The following CNIH3 variants were observed in gnomAD, a reference collection of about 807,000 sequenced individuals.
CNIH3 encodes protein cornichon homolog 3.
A neutral mutation model predicts 24.1 loss-of-function variants in CNIH3; 14 were observed. The observed-to-expected ratio is 0.58, with a 90% confidence interval of 0.38 to 0.91. The LOEUF is 0.91. Ranked by LOEUF, CNIH3 falls within the 40% of genes least tolerant of loss-of-function variation. The pLI, the probability that CNIH3 is intolerant of heterozygous loss-of-function variation, is 0.00. For missense variants in CNIH3, 178 were observed against 196.8 expected (o/e 0.90, Z 0.57); for synonymous variants, 68 against 73.8 (o/e 0.92, Z 0.40).
intron 1 of CNIH3, among the ~76,000 whole-genome samples, chr1:224,648,535 T>A (rs551421729): frequency 6.6e-6 from 1 of 152,290 alleles, no homozygotes; most frequent in African/African-American, 2.4e-5. Context: ...TAAATGTCTG[T>A]TTCGTGCCAG....
chr1:224,643,905 A>T (rs1684478126), intron 1 of CNIH3, among the ~76,000 whole-genome samples: 1 of 151,986 alleles, frequency 6.6e-6, no homozygotes, highest in Non-Finnish European at 1.5e-5. Flanking sequence ...ACCCCTTCCT[A>T]CCTGGCTGTC....
At chr1:224,450,669 C>T (rs1572263914) in intron 1 of CNIH3, among the ~76,000 whole-genome samples, 1 of 152,292 alleles carries the variant, frequency 6.6e-6, no homozygotes, top group East Asian at 1.9e-4. Context: ...GTAAATTATT[C>T]TTTAAGATGT....
intron 3 of CNIH3, among the ~76,000 whole-genome samples, chr1:224,698,202 C>T (rs186848109): frequency 7.2e-5 from 11 of 152,284 alleles, no homozygotes; most frequent in Non-Finnish European, 1.5e-4. Flanking sequence ...AGAAAATGCA[C>T]TGAATAAGTT....
At chr1:224,472,189 C>T (rs1483973222) in intron 1 of CNIH3, among the ~76,000 whole-genome samples, 1 of 152,126 alleles carries the variant, frequency 6.6e-6, no homozygotes, top group Admixed American at 6.5e-5. Context: ...TTCCCACCAG[C>T]AGTGTATAAG....
chr1:224,450,312 C>T (rs770193398), intron 1 of CNIH3, among the ~76,000 whole-genome samples: 3 of 152,114 alleles, frequency 2.0e-5, no homozygotes, highest in Non-Finnish European at 4.4e-5. Flanking sequence ...GGAAATGTAT[C>T]AGGTGGTGTG....
intron 1 of CNIH3, among the ~76,000 whole-genome samples, chr1:224,483,201 T>A (rs1676882140): frequency 6.6e-6 from 1 of 152,164 alleles, no homozygotes; most frequent in Non-Finnish European, 1.5e-5. Flanking sequence ...TACTGTGAAA[T>A]TAGTTGGGCA....
chr1:224,629,821 C>A (rs115320454), intron 1 of CNIH3, among the ~76,000 whole-genome samples: 6 of 152,120 alleles, frequency 3.9e-5, no homozygotes, highest in Non-Finnish European at 5.9e-5. Context: ...TGTCCTCTCT[C>A]GGCTGGAGCA....
chr1:224,674,735 G>A (rs1423935022), intron 1 of CNIH3, among the ~76,000 whole-genome samples: 2 of 151,960 alleles, frequency 1.3e-5, no homozygotes, highest in African/African-American at 2.4e-5. Flanking sequence ...CACTTCTAGC[G>A]TGTTCTCTGT....
intron 3 of CNIH3, among the ~76,000 whole-genome samples, chr1:224,608,070 A>C (rs1682508967): frequency 6.6e-6 from 1 of 152,216 alleles, no homozygotes; most frequent in South Asian, 2.1e-4. Context: ...CTTCAGAAGA[A>C]ATAATTCAAC....
At chr1:224,583,546 A>G (rs995694020) in intron 5 of CNIH3, among the ~76,000 whole-genome samples, 2 of 152,192 alleles carry the variant, frequency 1.3e-5, no homozygotes, top group Non-Finnish European at 2.9e-5. Context: ...AGGGAAGATA[A>G]CAAGAGGATG....
intron 4 of CNIH3, among the ~76,000 whole-genome samples, chr1:224,577,859 A>G (rs1394611959): frequency 6.6e-6 from 1 of 152,226 alleles, no homozygotes; most frequent in South Asian, 2.1e-4. Flanking sequence ...AATGTGGTGT[A>G]TACATATACC....
intron 1 of CNIH3, among the ~76,000 whole-genome samples, chr1:224,618,580 G>C (rs1021900274): frequency 6.6e-6 from 1 of 152,198 alleles, no homozygotes; most frequent in South Asian, 2.1e-4. Context: ...GAAACTCGGG[G>C]AGGAAGGTGG....
At chr1:224,627,641 G>C (rs1049278192) in intron 1 of CNIH3, among the ~76,000 whole-genome samples, 1 of 152,202 alleles carries the variant, frequency 6.6e-6, no homozygotes, top group Admixed American at 6.5e-5. Context: ...AGTGGGTCCT[G>C]TGTACACTAG....
intron 1 of CNIH3, among the ~76,000 whole-genome samples, chr1:224,641,167 C>G (rs572922906): frequency 6.6e-6 from 1 of 152,144 alleles, no homozygotes; most frequent in African/African-American, 2.4e-5. Flanking sequence ...TAAGCCTCCT[C>G]GGCATACATC....
chr1:224,542,494 A>C (rs1679548606), downstream of CNIH3, among the ~76,000 whole-genome samples: 1 of 152,250 alleles, frequency 6.6e-6, no homozygotes, highest in South Asian at 2.1e-4. Flanking sequence ...GAATAGCCAC[A>C]TTCTATTTTC....
chr1:224,517,876 C>G (rs1678460252), intron 1 of CNIH3, among the ~76,000 whole-genome samples: 1 of 152,130 alleles, frequency 6.6e-6, no homozygotes, highest in Admixed American at 6.5e-5. Flanking sequence ...TTACTGCCAA[C>G]CCAGTGGAGG....
chr1:224,495,243 G>T (rs970972416), intron 1 of CNIH3, among the ~76,000 whole-genome samples: 1 of 152,158 alleles, frequency 6.6e-6, no homozygotes, highest in Non-Finnish European at 1.5e-5. Flanking sequence ...CCTGATCCCA[G>T]CCCCCTTCTC....
chr1:224,631,852 C>A (rs1448863642), intron 1 of CNIH3, among the ~76,000 whole-genome samples: 1 of 152,060 alleles, frequency 6.6e-6, no homozygotes, highest in Non-Finnish European at 1.5e-5. Flanking sequence ...GCAACTGATT[C>A]ATGAACTCTA....
rs76914126 is a variant in CNIH3 at position 224,492,422 on chromosome 1, T to G, written n.204-23319T>G. Among the ~76,000 whole-genome samples the G allele has an allele frequency of 6.6e-5, 10 of 152,340 alleles. No homozygotes were observed. In the East Asian group the frequency reaches 1.9e-3, roughly 29 times the overall value. On this transcript the variant is annotated intron_variant and non_coding_transcript_variant, in intron 1 of 5. Transcript: ENST00000471578. ...TTGTTGCAAATTTGATTTATTCAGT[T>G]TAATCTTACAGGAAAGAGGATGGAT...
Sources: allele counts gnomAD v4.1 joint callset (sites outside exome capture counted in the v4.1 genomes callset), GRCh38; gene constraint gnomAD v4.1.1; transcripts MANE v1.5; gene names NCBI Gene and HGNC (gene_info 2026-07-23, HGNC 2026-07-21).